Variants in TRPM3 observed in about 807,000 individuals in gnomAD.
TRPM3 encodes long transient receptor potential channel 3.
Under a neutral mutation model 181.2 loss-of-function variants are expected in TRPM3, and 77 were observed. The ratio of observed to expected loss-of-function variants is 0.42; its 90% CI spans 0.35 to 0.51. TRPM3 has a LOEUF of 0.51. Among genes scored for constraint, TRPM3 ranks in the 20% least tolerant of loss-of-function variants. The pLI is 0.01. For synonymous variants in TRPM3, 745 were observed against 796.4 expected, an observed-to-expected ratio of 0.94 and a Z score of 1.09; for missense variants, 1,759 against 2,196.7, an observed-to-expected ratio of 0.80 and a Z score of 3.98.
rs572600694 is a variant in TRPM3 at position 71,130,697 on chromosome 9, C to T, written c.184-266186G>A. Among the ~76,000 whole-genome samples, 18 of 152,224 alleles carry T rather than the reference C, an allele frequency of 1.2e-4. No homozygotes were observed. In the East Asian group the frequency reaches 2.9e-3, roughly 25 times the overall value. ...GCATCCAGCCAAAGCCATCCGCAGG[C>T]GCCTAAATGGTACATGCGTTGGCAC... On this transcript the variant is annotated intron_variant, in intron 1 of 24. Transcript: ENST00000357533.
chr9:71,067,927 T>C lies in TRPM3; in HGVS notation c.177+53251A>G, dbSNP rs1442947319. On this transcript the variant is annotated intron_variant, in intron 1 of 25. Transcript: ENST00000677713. The stretch of plus-strand genomic sequence containing the variant: ...GGTGAAATCAGGGTGCTAGGCAATG[T>C]TGGTGATTCTTAATTGTTTTGAGGA... Among the ~76,000 whole-genome samples, 6 of 152,268 alleles carry C rather than the reference T, an allele frequency of 3.9e-5. No homozygotes were observed. In the East Asian group the frequency reaches 1.2e-3, roughly 29 times the overall value.
At chr9:70,893,904 G>A (rs1320744937) in intron 1 of TRPM3, among the ~76,000 whole-genome samples, 1 of 152,060 alleles carries the variant, frequency 6.6e-6, no homozygotes, top group East Asian at 1.9e-4. Context: ...TTTAAAAGAA[G>A]CTGAAAAAAA....
At chr9:71,110,789 C>A (rs1039659266) in intron 1 of TRPM3, among the ~76,000 whole-genome samples, 2 of 152,242 alleles carry the variant, frequency 1.3e-5, no homozygotes, top group African/African-American at 4.8e-5. Flanking sequence ...AAATTAATGA[C>A]TAAAATTAGC....
intron 1 of TRPM3, among the ~76,000 whole-genome samples, chr9:70,968,299 G>A (rs2097205640): frequency 6.6e-6 from 1 of 151,988 alleles, no homozygotes. Context: ...AATGGGCAGG[G>A]CTCTGTGTTG....
intron 1 of TRPM3, among the ~76,000 whole-genome samples, chr9:71,294,754 G>A (rs1217941756): frequency 1.3e-5 from 2 of 152,110 alleles, no homozygotes; most frequent in Non-Finnish European, 2.9e-5. Context: ...AGATGACAGA[G>A]CATTAAATTG....
At chr9:70,797,340 C>A (rs2087389324) in intron 6 of TRPM3, among the ~76,000 whole-genome samples, 1 of 152,178 alleles carries the variant, frequency 6.6e-6, no homozygotes, top group Non-Finnish European at 1.5e-5. Flanking sequence ...ACTGAGATTA[C>A]TTCCTACCTG....
intron 19 of TRPM3, among the ~76,000 whole-genome samples, chr9:70,606,651 G>GTGTGTGTGTATATATA (rs145779027): frequency 1.6e-4 from 23 of 140,676 alleles, no homozygotes; most frequent in African/African-American, 6.0e-4. Context: ...GTGTGTGTGT[G>GTGTGTGTGTATATATA]TATATATATA....
Position 71,104,690 on chromosome 9 carries a change from A to C in TRPM3, c.177+16488T>G, listed in dbSNP as rs187951698. Among the ~76,000 whole-genome samples the C allele has an allele frequency of 3.3e-5, 5 of 152,272 alleles. No individual in the cohort carries two copies. The South Asian group carries it at 6.2e-4, about 19-fold the overall frequency. ...TCTCTTTGCTCAACTTTACCCGTTAAGTTTTTTTTGCTGTTGTTATTGCTT... is the reference window on the plus strand; with the variant it reads ...TCTCTTTGCTCAACTTTACCCGTTACGTTTTTTTTGCTGTTGTTATTGCTT... On this transcript the variant is annotated intron_variant, in intron 1 of 25. Transcript: ENST00000677713.
intron 1 of TRPM3, among the ~76,000 whole-genome samples, chr9:71,275,562 C>T (rs758541915): frequency 6.6e-6 from 1 of 151,984 alleles, no homozygotes; most frequent in Admixed American, 6.6e-5. Flanking sequence ...GCCTAACAAA[C>T]TGCTTCTATA....
chr9:71,182,263 GCA>G (rs1256692628), intron 1 of TRPM3, among the ~76,000 whole-genome samples: 3 of 152,180 alleles, frequency 2.0e-5, no homozygotes, highest in Middle Eastern at 3.4e-3. Context: ...ATATGTGTGT[GCA>G]CATGACAAAT....
intron 1 of TRPM3, among the ~76,000 whole-genome samples, chr9:71,060,028 T>A: frequency 6.6e-6 from 1 of 152,212 alleles, no homozygotes. Context: ...GCTGTATACA[T>A]ACATTTGAAG....
At chr9:71,008,632 C>T (rs2097704269) in intron 1 of TRPM3, among the ~76,000 whole-genome samples, 1 of 152,184 alleles carries the variant, frequency 6.6e-6, no homozygotes, top group African/African-American at 2.4e-5. Flanking sequence ...CACTTGAGCT[C>T]AGGAGTTCAA....
chr9:71,291,241 G>T (rs1300959548), intron 1 of TRPM3, among the ~76,000 whole-genome samples: 1 of 152,072 alleles, frequency 6.6e-6, no homozygotes, highest in Non-Finnish European at 1.5e-5. Context: ...TTCCAAAATT[G>T]GGAGATTCAC....
At chr9:70,890,999 C>A (rs912367757) in intron 1 of TRPM3, among the ~76,000 whole-genome samples, 1 of 150,888 alleles carries the variant, frequency 6.6e-6, no homozygotes, top group African/African-American at 2.4e-5. Flanking sequence ...GGAAGGGGAA[C>A]ATCACACTCC....
chr9:70,926,609 A>C (rs1385183720), intron 1 of TRPM3, among the ~76,000 whole-genome samples: 1 of 152,200 alleles, frequency 6.6e-6, no homozygotes, highest in Non-Finnish European at 1.5e-5. Flanking sequence ...ATATAATTTA[A>C]CTCACATCCC....
intron 1 of TRPM3, among the ~76,000 whole-genome samples, chr9:71,310,258 A>G (rs976479226): frequency 2.0e-5 from 3 of 152,052 alleles, no homozygotes; most frequent in Non-Finnish European, 2.9e-5. Flanking sequence ...TATTTTTTAT[A>G]TGTCTCTCTA....
chr9:71,072,750 C>T (rs1323168154), intron 1 of TRPM3, among the ~76,000 whole-genome samples: 1 of 152,196 alleles, frequency 6.6e-6, no homozygotes, highest in Non-Finnish European at 1.5e-5. Flanking sequence ...GCAAACTGCT[C>T]TCACGAAAGC....
At position 70,532,451 on chromosome 9, in the gene TRPM3, G is replaced by GTA. The variant is rs1316960624; in HGVS notation, c.*3500_*3501dup. 6.6e-6 allele frequency: 1 copy of GTA among 152,174 alleles called. No individual in the cohort carries two copies. The highest frequency in any genetic ancestry group is 1.5e-5 in the Non-Finnish European group (1 of 68,042). The allele number at this position is 152,174 out of a possible 1,614,324, so 9.4% of individuals were successfully genotyped here. ...TTATACATTTAAAAAATCCAGTTCT[G>GTA]TAAAGTGCTGTATTCTGACTGCTAA... On this transcript the variant is annotated 3_prime_UTR_variant, in exon 26 of 26. Coordinates refer to ENST00000677713, the MANE Select transcript of TRPM3 (RefSeq NM_001366145.2).
intron 1 of TRPM3, among the ~76,000 whole-genome samples, chr9:70,896,327 AG>A (rs1195455466): frequency 6.6e-6 from 1 of 152,198 alleles, no homozygotes; most frequent in East Asian, 1.9e-4. Flanking sequence ...CTTGTAGACC[AG>A]TATAAAGTGG....
Sources: gnomAD v4.1 joint callset for allele counts (sites outside exome capture counted in the v4.1 genomes callset) on GRCh38, gnomAD v4.1.1 for gene constraint, MANE v1.5 for transcripts, NCBI Gene and HGNC (gene_info 2026-07-23, HGNC 2026-07-21) for gene names.